Variants in LRRC19 observed in about 807,000 individuals in gnomAD.
The protein encoded by LRRC19 is leucine-rich repeat-containing protein 19.
A neutral mutation model predicts 33.3 loss-of-function variants in LRRC19; 33 were observed. The ratio of observed to expected loss-of-function variants is 0.99; its 90% CI spans 0.75 to 1.33. LRRC19 has a LOEUF of 1.33. LRRC19 is among the 40% of genes most tolerant of loss of function. The pLI is 0.00. For missense variants in LRRC19, 463 were observed against 417.3 expected (o/e 1.11, Z -0.95); for synonymous variants, 184 against 152.3 (o/e 1.21, Z -1.53).
intron 1 of LRRC19, among the ~76,000 whole-genome samples, chr9:27,001,241 C>G (rs1456089557): frequency 1.3e-5 from 2 of 151,932 alleles, no homozygotes; most frequent in Non-Finnish European, 2.9e-5. Flanking sequence ...TAGTTTTGCT[C>G]TTGTGAATAG....
chr9:26,997,654 T>G, intron 3 of LRRC19, 74 bp downstream of exon 3: 9 of 1,466,744 alleles, frequency 6.1e-6, no homozygotes, highest in African/African-American at 1.4e-5. Context: ...CTTTAAAACG[T>G]GATATGAGAG....
chr9:26,995,286 ATAGTAGTGCTAG>A lies in LRRC19; in HGVS notation c.*223_*234del, dbSNP rs1828082555. On this transcript the variant is annotated 3_prime_UTR_variant, in exon 5 of 5. Transcript: ENST00000380055. ...TATGGTCACCCAAGCACTGCTAAGA[ATAGTAGTGCTAG>A]TATTGTAGACTATGTAACTGTCAAC... 5.2e-6 allele frequency: 2 copies of A among 383,274 alleles called. No individual in the cohort carries two copies. The highest frequency in any genetic ancestry group is 8.2e-5 in the Admixed American group (2 of 24,484). 23.7% of individuals were successfully genotyped at this position (383,274 alleles called of 1,614,324 possible).
At chr9:27,004,237 G>A (rs1460826009) in intron 1 of LRRC19, among the ~76,000 whole-genome samples, 1 of 152,122 alleles carries the variant, frequency 6.6e-6, no homozygotes, top group African/African-American at 2.4e-5. Flanking sequence ...GCTAATAATT[G>A]TTTTCTCAAG....
chr9:27,004,966 A>G (rs1828694808), intron 1 of LRRC19, among the ~76,000 whole-genome samples: 1 of 152,186 alleles, frequency 6.6e-6, no homozygotes, highest in Non-Finnish European at 1.5e-5. Flanking sequence ...TGATTATTAT[A>G]TGCTATGAAA....
Position 26,997,956 on chromosome 9 carries a change from GTTTA to G in LRRC19, c.363_366del (p.Lys122Ter), listed in dbSNP as rs775808347. The G allele has an allele frequency of 3.1e-6, 5 of 1,613,704 alleles. No individual in the cohort carries two copies. In the African/African-American group the frequency reaches 5.3e-5, roughly 17 times the overall value. On this transcript the variant is annotated frameshift_variant, in exon 3 of 5. Transcript: ENST00000380055. LOFTEE classifies it high-confidence loss of function. ...TTTTGGCAGAGATATAACTGTTTTA[GTTTA>G]TTTAAGCCTAAAAATGCACCCTGTT...
At position 26,999,713 on chromosome 9, in the gene LRRC19, AAG is replaced by A. The variant is rs1176558042; in HGVS notation, c.-9-12_-9-11del. ...CTTTCATGTTGCAGACCTGATAGAA[AAG>A]AGAGTATTTTCATTAAGGACATTTT... On this transcript the variant is annotated splice_polypyrimidine_tract_variant and intron_variant, in intron 1 of 4. Coordinates refer to ENST00000380055, the MANE Select transcript of LRRC19 (RefSeq NM_022901.3). 1.6e-5 allele frequency: 25 copies of A among 1,559,912 alleles called. No homozygotes were observed. The highest frequency in any genetic ancestry group is 2.1e-5 in the Non-Finnish European group (24 of 1,144,986).
chr9:27,003,881 C>G (rs546032924), intron 1 of LRRC19, among the ~76,000 whole-genome samples: 2 of 152,258 alleles, frequency 1.3e-5, no homozygotes, highest in African/African-American at 4.8e-5. Context: ...AGGTAGTTTA[C>G]CTATGTTTAA....
chr9:26,998,264 G>A lies in LRRC19; in HGVS notation c.82-23C>T, dbSNP rs372604446. ...TTCCTAGAAAAACAAAAAAAAGAAA[G>A]GCATTAATCAGAAAAAAAATTAATA... On this transcript the variant is annotated intron_variant, in intron 2 of 4. Transcript: ENST00000380055. 33 of 1,304,920 alleles carry A rather than the reference G, an allele frequency of 2.5e-5. No individual in the cohort carries two copies. In the East Asian group the frequency reaches 3.3e-4, roughly 13 times the overall value. 80.8% of individuals were successfully genotyped at this position (1,304,920 alleles called of 1,614,324 possible). A position where few individuals can be genotyped will look rare whatever the true frequency, so the allele number is the denominator to read the frequency against.
intron 1 of LRRC19, among the ~76,000 whole-genome samples, chr9:27,000,345 A>T (rs922647738): frequency 6.6e-6 from 1 of 152,218 alleles, no homozygotes; most frequent in Non-Finnish European, 1.5e-5. Context: ...AGGAAAACGT[A>T]TATTTATGCA....
chr9:26,998,184 TC>T lies in LRRC19; in HGVS notation c.138del (p.Asp48MetfsTer33). The T allele has an allele frequency of 6.4e-7, 1 of 1,566,632 alleles. No homozygotes were observed. Among genetic ancestry groups the T allele is most frequent in the Non-Finnish European group, 8.7e-7 (1 of 1,150,686 alleles). ...CTGAGATCAAGTATAGTAACATCTTTCTTGATATCTGCTGGAATCAAGGTAT... is the reference window on the plus strand; with the variant it reads ...CTGAGATCAAGTATAGTAACATCTTTTTGATATCTGCTGGAATCAAGGTAT... ...KNYTLIPADI[K>X]KDVTILDLSY... On this transcript the variant is annotated frameshift_variant, in exon 3 of 5. Transcript: ENST00000380055. LOFTEE classifies it high-confidence loss of function.
chr9:27,004,071 A>G (rs1049542086), intron 1 of LRRC19, among the ~76,000 whole-genome samples: 2 of 152,180 alleles, frequency 1.3e-5, no homozygotes, highest in African/African-American at 4.8e-5. Flanking sequence ...AAGAAAGCAA[A>G]TAGGCTACAA....
intron 1 of LRRC19, 84 bp downstream of exon 1, chr9:27,005,508 A>G (rs1193151568): frequency 6.6e-6 from 1 of 151,980 alleles, no homozygotes; most frequent in Admixed American, 6.6e-5. Flanking sequence ...CTTAAAGGCA[A>G]AGATGGTTGT....
Position 26,998,127 on chromosome 9 carries a change from T to A in LRRC19, c.196A>T (p.Thr66Ser). Residue 66 changes from threonine to serine, a missense_variant, in exon 3 of 5, where the codon ACA (threonine) becomes TCA (serine). Physicochemically the swap from Thr to Ser is moderately conservative, Grantham distance 58. Transcript: ENST00000380055. ...YNQITLNGTD[T>S]RVLQTYFLLT... ...AAAAAGTATGTCTGTAGAACTCTTGTGTCTGTACCATTAAGAGTAATTTGG... is the reference window on the plus strand; with the variant it reads ...AAAAAGTATGTCTGTAGAACTCTTGAGTCTGTACCATTAAGAGTAATTTGG... 1 of 1,612,102 alleles carries A rather than the reference T, an allele frequency of 6.2e-7. No homozygotes were observed. The highest frequency in any genetic ancestry group is 8.5e-7 in the Non-Finnish European group (1 of 1,178,462).
At chr9:26,996,556 T>C in intron 3 of LRRC19, 57 bp from the exon 4 acceptor site, 1 of 1,157,070 alleles carries the variant, frequency 8.6e-7, no homozygotes, top group Non-Finnish European at 1.1e-6. Context: ...TTAACAACAT[T>C]TTATAATTGT....
chr9:27,004,258 GA>G (rs1324353209), intron 1 of LRRC19, among the ~76,000 whole-genome samples: 2 of 152,052 alleles, frequency 1.3e-5, no homozygotes, highest in African/African-American at 4.8e-5. Context: ...TGCGCTAAAA[GA>G]AAAAAATCAT....
intron 4 of LRRC19, among the ~76,000 whole-genome samples, 179 bp downstream of exon 4, chr9:26,996,132 T>C (rs1171251678): frequency 6.6e-6 from 1 of 152,210 alleles, no homozygotes; most frequent in Non-Finnish European, 1.5e-5. Context: ...ATTTGCACGA[T>C]GGCATTTGGC....
At position 26,998,164 on chromosome 9, in the gene LRRC19, A is replaced by G. The variant is rs756280142; in HGVS notation, c.159T>C (p.Asp53=). ...ADIKKDVTIL[D]LSYNQITLNG... The stretch of plus-strand genomic sequence containing the variant: ...TAAGAGTAATTTGGTTATAACTGAG[A>G]TCAAGTATAGTAACATCTTTCTTGA... Residue 53 remains aspartate (D), a synonymous_variant, in exon 3 of 5, where the codon GAT becomes GAC. Coordinates refer to ENST00000380055, the MANE Select transcript of LRRC19 (RefSeq NM_022901.3). 3.6e-5 allele frequency: 58 copies of G among 1,599,222 alleles called. No homozygotes were observed. The East Asian group carries it at 1.3e-3, about 35-fold the overall frequency.
Position 26,998,137 on chromosome 9 carries a change from A to G in LRRC19, c.186T>C (p.Asn62=). Residue 62 remains asparagine (N), a synonymous_variant, in exon 3 of 5, where the codon AAT becomes AAC. Coordinates refer to ENST00000380055, the MANE Select transcript of LRRC19 (RefSeq NM_022901.3). ...TCTGTAGAACTCTTGTGTCTGTACCATTAAGAGTAATTTGGTTATAACTGA... is the reference window on the plus strand; with the variant it reads ...TCTGTAGAACTCTTGTGTCTGTACCGTTAAGAGTAATTTGGTTATAACTGA... ...LDLSYNQITL[N]GTDTRVLQTY... 6.2e-7 allele frequency: 1 copy of G among 1,610,042 alleles called. No individual in the cohort carries two copies. Among genetic ancestry groups the G allele is most frequent in the Non-Finnish European group, 8.5e-7 (1 of 1,176,982 alleles).
Position 26,998,265 on chromosome 9 carries a change from G to A in LRRC19, c.82-24C>T, listed in dbSNP as rs368439252. ...TCCTAGAAAAACAAAAAAAAGAAAG[G>A]CATTAATCAGAAAAAAAATTAATAG... On this transcript the variant is annotated intron_variant, in intron 2 of 4. Transcript: ENST00000380055. 5.5e-5 allele frequency: 70 copies of A among 1,281,176 alleles called. No individual in the cohort carries two copies. The African/African-American group carries it at 9.2e-4, about 17-fold the overall frequency. The allele number at this position is 1,281,176 out of a possible 1,614,324, so 79.4% of individuals were successfully genotyped here. A position where few individuals can be genotyped will look rare whatever the true frequency, so the allele number is the denominator to read the frequency against.
Sources: gnomAD v4.1 joint callset for allele counts (sites outside exome capture counted in the v4.1 genomes callset) on GRCh38, gnomAD v4.1.1 for gene constraint, MANE v1.5 for transcripts, NCBI Gene and HGNC (gene_info 2026-07-23, HGNC 2026-07-21) for gene names.